The following TDRD12 variants were observed in gnomAD, a reference collection of about 807,000 sequenced individuals.
The protein encoded by TDRD12 is tudor domain containing 12, also known as putative ATP-dependent RNA helicase TDRD12.
In TDRD12, 158 loss-of-function variants were observed where a neutral mutation model predicts 133.5. That is an observed-to-expected ratio of 1.18 (90% CI 1.04 to 1.35). TDRD12 has a LOEUF of 1.35. Ranked by LOEUF, TDRD12 falls within the 40% of genes most tolerant of loss-of-function variation. The probability of loss-of-function intolerance (pLI) is 0.00; values close to 1 mark genes in which losing one functional copy is unlikely to be tolerated. For missense variants in TDRD12, 1,443 were observed against 1,321.3 expected (o/e 1.09, Z -1.43); for synonymous variants, 460 against 477.9 (o/e 0.96, Z 0.49).
intron 11 of TDRD12, among the ~76,000 whole-genome samples, chr19:32,780,272 G>A (rs1970723995): frequency 6.6e-6 from 1 of 151,922 alleles, no homozygotes; most frequent in Non-Finnish European, 1.5e-5. Flanking sequence ...TTTTAATAGA[G>A]ACGGGGTTTC....
intron 8 of TDRD12, among the ~76,000 whole-genome samples, chr19:32,767,028 G>A (rs1970317556): frequency 1.3e-5 from 2 of 152,044 alleles, no homozygotes; most frequent in Admixed American, 1.3e-4. Context: ...GATAGCATGA[G>A]GAACTTAACA....
At chr19:32,781,157 A>G (rs1378207737) in intron 11 of TDRD12, among the ~76,000 whole-genome samples, 1 of 151,894 alleles carries the variant, frequency 6.6e-6, no homozygotes, top group Non-Finnish European at 1.5e-5. Flanking sequence ...GTTAGCCAGG[A>G]TGGTCTCTAT....
intron 1 of TDRD12, among the ~76,000 whole-genome samples, chr19:32,722,635 C>G (rs1464329737): frequency 6.6e-6 from 1 of 151,410 alleles, no homozygotes; most frequent in Non-Finnish European, 1.5e-5. Flanking sequence ...CTCACAGTCA[C>G]AAAGATTTTT....
rs58024880 is a variant in TDRD12, at chr19:32,721,679, CTATTTTATTTTATTTTATTT to C, written c.24+1610_24+1629del. The stretch of plus-strand genomic sequence containing the variant: ...ACAGGCGTGAGCCACCGTGCCTGGC[CTATTTTATTTTATTTTATTT>C]TATTTTATTTTATTTTATTTTATTT... On this transcript the variant is annotated intron_variant, in intron 1 of 27. Coordinates refer to ENST00000444215, the Ensembl canonical transcript of TDRD12. 4.0e-5 allele frequency among the ~76,000 whole-genome samples: 5 copies of C among 126,152 alleles called. No homozygotes were observed. In the South Asian group the frequency reaches 8.0e-4, roughly 20 times the overall value. 82.8% of individuals were successfully genotyped at this position (126,152 alleles called of 152,430 possible).
At chr19:32,732,219 G>A (rs1027904419) in intron 2 of TDRD12, among the ~76,000 whole-genome samples, 8 of 152,170 alleles carry the variant, frequency 5.3e-5, no homozygotes, top group African/African-American at 1.9e-4. Flanking sequence ...TGGCCAGGCT[G>A]GTCTCGAACT....
intron 8 of TDRD12, among the ~76,000 whole-genome samples, chr19:32,769,227 A>G (rs1970378150): frequency 1.3e-5 from 2 of 151,430 alleles, no homozygotes; most frequent in African/African-American, 4.8e-5. Context: ...CTTTCTCTAT[A>G]TTTTCTACTT....
At chr19:32,802,017 T>A in intron 19 of TDRD12, 144 bp downstream of exon 19, 1 of 429,748 alleles carries the variant, frequency 2.3e-6, no homozygotes, top group African/African-American at 2.0e-5. Flanking sequence ...AATTTCAAAA[T>A]GAAAAATTAA....
chr19:32,826,272 AAAG>A, exon 8 of TDRD12: 3 of 1,462,470 alleles, frequency 2.1e-6, no homozygotes, highest in Non-Finnish European at 2.7e-6. Context: ...ATGGTTCCAA[AAAG>A]AAGATGTCGT....
chr19:32,770,933 T>C (rs1048288240), intron 8 of TDRD12, among the ~76,000 whole-genome samples: 1 of 152,226 alleles, frequency 6.6e-6, no homozygotes, highest in Non-Finnish European at 1.5e-5. Flanking sequence ...ACTTCGTAGT[T>C]CTTTAAGTAG....
At chr19:32,789,991 A>T (rs1971021491) in intron 11 of TDRD12, among the ~76,000 whole-genome samples, 1 of 152,050 alleles carries the variant, frequency 6.6e-6, no homozygotes, top group Non-Finnish European at 1.5e-5. Flanking sequence ...AACAAGAGCG[A>T]AACTCCATCT....
At chr19:32,730,512 T>C (rs1201483192) in intron 1 of TDRD12, among the ~76,000 whole-genome samples, 1 of 152,218 alleles carries the variant, frequency 6.6e-6, no homozygotes, top group Non-Finnish European at 1.5e-5. Context: ...CCACAGGTGA[T>C]ATAGAAACTA....
At chr19:32,767,603 T>TGCCATCCTGAAGGTTTTGCC (rs1231673855) in intron 8 of TDRD12, among the ~76,000 whole-genome samples, 1 of 152,204 alleles carries the variant, frequency 6.6e-6, no homozygotes, top group Admixed American at 6.5e-5. Context: ...TTGTTGGCCT[T>TGCCATCCTGAAGGTTTTGCC]GCCATCCTGA....
chr19:32,790,546 A>G, exon 12 of TDRD12: 7 of 1,551,896 alleles, frequency 4.5e-6, no homozygotes, highest in Non-Finnish European at 6.1e-6. Flanking sequence ...TGCAGTTTTT[A>G]AATCCTGATC....
intron 8 of TDRD12, among the ~76,000 whole-genome samples, chr19:32,771,190 A>G (rs1319214986): frequency 6.6e-6 from 1 of 152,158 alleles, no homozygotes; most frequent in Non-Finnish European, 1.5e-5. Context: ...AGATTTTTTG[A>G]GATGGAGTCA....
chr19:32,766,588 C>A lies in TDRD12; in HGVS notation c.866-6165C>A, dbSNP rs537351265. The stretch of plus-strand genomic sequence containing the variant: ...TTTGGATTAAGCACCTTTTGTGTTC[C>A]ATTTTAATTCCTTTGTTAGCTTATT... On this transcript the variant is annotated intron_variant, in intron 8 of 27. Coordinates refer to ENST00000444215, the Ensembl canonical transcript of TDRD12. Among the ~76,000 whole-genome samples the A allele has an allele frequency of 8.6e-5, 13 of 151,790 alleles. No individual in the cohort carries two copies. The South Asian group carries it at 2.7e-3, about 32-fold the overall frequency.
At chr19:32,793,874 A>C (rs1186555670) in intron 13 of TDRD12, among the ~76,000 whole-genome samples, 1 of 143,644 alleles carries the variant, frequency 7.0e-6, no homozygotes, top group South Asian at 2.2e-4. Flanking sequence ...GGCTCACCAC[A>C]ACCTGTGCCT....
intron 1 of TDRD12, among the ~76,000 whole-genome samples, chr19:32,723,557 A>G (rs191546603): frequency 3.9e-4 from 59 of 151,804 alleles, no homozygotes; most frequent in African/African-American, 1.4e-3. Context: ...CCCTTTATAG[A>G]TAACTCTTGA....
rs183249378 is a variant in TDRD12 at position 32,724,071 on chromosome 19, C to A, written c.24+3975C>A. ...ACAGGGTCTCACTGTGTTGCCCAGG[C>A]TGGTTTCTCAAACTCCTGGGCTCAA... is the stretch of plus-strand genomic sequence containing the variant. On this transcript the variant is annotated intron_variant, in intron 1 of 27. Transcript: ENST00000444215. Among the ~76,000 whole-genome samples, 44 of 152,262 alleles carry A rather than the reference C, an allele frequency of 2.9e-4. No homozygotes were observed. In the East Asian group the frequency reaches 5.6e-3, roughly 19 times the overall value.
At chr19:32,778,999 G>A (rs1200465029) in intron 11 of TDRD12, among the ~76,000 whole-genome samples, 1 of 152,204 alleles carries the variant, frequency 6.6e-6, no homozygotes, top group Non-Finnish European at 1.5e-5. Context: ...TAGGGACACA[G>A]GGATGACCTG....
Sources: gnomAD v4.1 joint callset for allele counts (sites outside exome capture counted in the v4.1 genomes callset) on GRCh38, gnomAD v4.1.1 for gene constraint, MANE v1.5 for transcripts, NCBI Gene and HGNC (gene_info 2026-07-23, HGNC 2026-07-21) for gene names.